SANBR: variants seen among roughly 807,000 people sequenced by gnomAD.
SANBR encodes the protein SANT and BTB domain regulator of CSR.
SANBR carries 77 observed loss-of-function variants against 101.8 expected under a neutral mutation model. That is an observed-to-expected ratio of 0.76 (90% CI 0.63 to 0.91). The LOEUF (loss-of-function observed/expected upper bound fraction) is 0.91. Ranked by LOEUF, SANBR falls within the 40% of genes least tolerant of loss-of-function variation. SANBR has a pLI of 0.00. For missense variants in SANBR, 875 were observed against 853.0 expected (o/e 1.03, Z -0.32); for synonymous variants, 279 against 274.7 (o/e 1.02, Z -0.15).
In SANBR at chr2:61,134,206, C is replaced by T. The variant is rs72883033; in HGVS notation, c.2098C>T (p.Leu700Phe). The T allele has an allele frequency of 2.7e-3, 4,304 of 1,611,584 alleles. 101 individuals carry two copies. The African/African-American group carries it at 0.051, about 19-fold the overall frequency. Residue 700 changes from leucine to phenylalanine, a missense_variant, in exon 21 of 22, where the codon CTC (leucine) becomes TTC (phenylalanine). Transcript: ENST00000295031. Reference sequence around the variant, plus strand: ...CAGAAAAAGTGGTTTGAGCAGTGTGCTCTTGATGACAGTGTTGCTGTGTTA... The same window carrying T: ...CAGAAAAAGTGGTTTGAGCAGTGTGTTCTTGATGACAGTGTTGCTGTGTTA...
intron 6 of SANBR, among the ~76,000 whole-genome samples, chr2:61,079,597 C>G (rs1289980252): frequency 6.6e-6 from 1 of 151,976 alleles, no homozygotes; most frequent in African/African-American, 2.4e-5. Flanking sequence ...TCCAGACTAA[C>G]CAGCTATAAT....
At chr2:61,134,458 T>C (rs980683108) in intron 21 of SANBR, among the ~76,000 whole-genome samples, 1 of 152,226 alleles carries the variant, frequency 6.6e-6, no homozygotes, top group Admixed American at 6.5e-5. Flanking sequence ...AAATCTCCTC[T>C]TTCATGAAGC....
At chr2:61,117,155 T>C in intron 17 of SANBR, 1 of 563,228 alleles carries the variant, frequency 1.8e-6, no homozygotes, top group Non-Finnish European at 3.2e-6. Context: ...GTTTCTTAAC[T>C]TCTCTGAACC....
At chr2:61,097,630 T>C in intron 11 of SANBR, 70 bp from the exon 12 acceptor site, 1 of 1,177,468 alleles carries the variant, frequency 8.5e-7, no homozygotes, top group South Asian at 1.5e-5. Flanking sequence ...TAATATTTGG[T>C]CTTAAGTATT....
intron 8 of SANBR, 53 bp downstream of exon 8, chr2:61,083,367 T>C (rs1314335708): frequency 9.2e-7 from 1 of 1,081,752 alleles, no homozygotes; most frequent in African/African-American, 1.6e-5. Context: ...AAGAAATATA[T>C]TTCTATTTCA....
intron 1 of SANBR, among the ~76,000 whole-genome samples, chr2:61,067,528 G>A (rs1681240924): frequency 6.6e-6 from 1 of 152,134 alleles, no homozygotes; most frequent in South Asian, 2.1e-4. Flanking sequence ...ACGAGGTCAG[G>A]AGATCGAGAC....
intron 20 of SANBR, among the ~76,000 whole-genome samples, chr2:61,129,709 T>G (rs1684627061): frequency 6.6e-6 from 1 of 151,812 alleles, no homozygotes; most frequent in African/African-American, 2.4e-5. Context: ...CAGGAACAAA[T>G]GAAGAGAACC....
intron 13 of SANBR, 31 bp from the exon 14 acceptor site, chr2:61,106,532 C>G: frequency 7.1e-7 from 1 of 1,399,446 alleles, no homozygotes; most frequent in East Asian, 2.3e-5. Flanking sequence ...AAAGTAAACT[C>G]TTCTCCGTAA....
chr2:61,081,723 A>G (rs1682140371), intron 7 of SANBR, among the ~76,000 whole-genome samples: 1 of 152,190 alleles, frequency 6.6e-6, no homozygotes, highest in East Asian at 1.9e-4. Context: ...ATCTCAGCTC[A>G]CTGCAACCTC....
intron 11 of SANBR, among the ~76,000 whole-genome samples, chr2:61,096,565 C>T (rs1294816050): frequency 1.3e-5 from 2 of 152,140 alleles, no homozygotes; most frequent in Admixed American, 1.3e-4. Flanking sequence ...ACAGTGCTTG[C>T]ACCATGTTCT....
rs1034229330 is a variant in SANBR at position 61,124,003 on chromosome 2, A to G, written c.*1841A>G. On this transcript the variant is annotated 3_prime_UTR_variant, in exon 22 of 22. Transcript: ENST00000402291. ...CAGCTACTCGGGAGGCTGAGGCACA[A>G]GAATTGTTTGAACCCGGGTGGCAGA... 8.1e-6 allele frequency: 3 copies of G among 369,378 alleles called. No individual in the cohort carries two copies. The highest frequency in any genetic ancestry group is 1.1e-5 in the Non-Finnish European group (3 of 266,978). The allele number at this position is 369,378 out of a possible 1,614,324, so 22.9% of individuals were successfully genotyped here. A position where few individuals can be genotyped will look rare whatever the true frequency, so the allele number is the denominator to read the frequency against.
intron 3 of SANBR, among the ~76,000 whole-genome samples, chr2:61,071,352 C>T (rs1375443568): frequency 6.6e-6 from 1 of 151,960 alleles, no homozygotes; most frequent in Non-Finnish European, 1.5e-5. Flanking sequence ...AGTTCAAGAC[C>T]AGCCTGACCA....
chr2:61,107,033 G>A (rs188678597), intron 14 of SANBR, among the ~76,000 whole-genome samples: 31 of 152,078 alleles, frequency 2.0e-4, no homozygotes, highest in Admixed American at 5.2e-4. Context: ...CAAGTGTGGT[G>A]CCTTGTGCCT....
chr2:61,071,681 G>T lies in SANBR; in HGVS notation c.226G>T (p.Ala76Ser), dbSNP rs916728456. 4.4e-6 allele frequency: 7 copies of T among 1,605,336 alleles called. No individual in the cohort carries two copies. In the South Asian group the frequency reaches 6.7e-5, roughly 15 times the overall value. The change falls in exon 4 of 22, where the codon GCT (alanine) becomes TCT (serine). Residue 76 changes from alanine (A) to serine (S), a missense_variant. Physicochemically the swap from Ala to Ser is moderately conservative, Grantham distance 99 (BLOSUM62 1). Transcript: ENST00000402291. ...VDNQYNSLMA[A>S]GESPVETLAT... Reference sequence around the variant, plus strand: ...CAACCAGTATAATTCCCTAATGGCTGCTGGAGAGAGTCCTGTTGAAACTTT... The same window carrying T: ...CAACCAGTATAATTCCCTAATGGCTTCTGGAGAGAGTCCTGTTGAAACTTT...
At chr2:61,108,680 T>TC (rs397873603) in intron 15 of SANBR, among the ~76,000 whole-genome samples, 7 of 151,826 alleles carry the variant, frequency 4.6e-5, no homozygotes, top group Non-Finnish European at 8.8e-5. Flanking sequence ...TTTTTTTTTT[T>TC]ACCTGTTTGC....
At chr2:61,134,935 C>T (rs1684800482) in intron 21 of SANBR, among the ~76,000 whole-genome samples, 1 of 151,796 alleles carries the variant, frequency 6.6e-6, no homozygotes, top group Middle Eastern at 3.2e-3. Flanking sequence ...ACCTGTAATC[C>T]CAGCACTTTG....
rs1288623267 is a variant in SANBR, at chr2:61,077,026, TTATC to T, written c.542_545del (p.Ser181TrpfsTer23). The T allele has an allele frequency of 2.5e-6, 4 of 1,614,102 alleles. No homozygotes were observed. The highest frequency in any genetic ancestry group is 2.5e-6 in the Non-Finnish European group (3 of 1,179,948). On this transcript the variant is annotated frameshift_variant, in exon 6 of 22. Coordinates refer to ENST00000402291, the MANE Select transcript of SANBR (RefSeq NM_001129993.3). LOFTEE classifies it high-confidence loss of function. Reference sequence around the variant, plus strand: ...AGAAATGAAGTACTTTGCTGAATATTTATCTATGGATGCCCAGCGCTGGGAAGAG... The same window carrying T: ...AGAAATGAAGTACTTTGCTGAATATTTATGGATGCCCAGCGCTGGGAAGAG...
Position 61,077,022 on chromosome 2 carries a change from A to G in SANBR, c.534A>G (p.Glu178=). 2.5e-6 allele frequency: 4 copies of G among 1,614,112 alleles called. No individual in the cohort carries two copies. Among genetic ancestry groups the G allele is most frequent in the Non-Finnish European group, 3.4e-6 (4 of 1,179,952 alleles). ...LLISEMKYFA[E]YLSMDAQRWE... is the part of the protein sequence containing the mutation. ...TATCAGAAATGAAGTACTTTGCTGA[A>G]TATTTATCTATGGATGCCCAGCGCT... The change falls in exon 6 of 22, where the codon GAA becomes GAG. Residue 178 remains glutamate, a synonymous_variant. Transcript: ENST00000402291.
At chr2:61,089,154 G>A in intron 10 of SANBR, 1 of 984,896 alleles carries the variant, frequency 1.0e-6, no homozygotes, top group Non-Finnish European at 1.2e-6. Flanking sequence ...TTTTGGTGAG[G>A]AAAATTGTCT....
Sources: allele counts gnomAD v4.1 joint callset (sites outside exome capture counted in the v4.1 genomes callset), GRCh38; gene constraint gnomAD v4.1.1; transcripts MANE v1.5; gene names NCBI Gene and HGNC (gene_info 2026-07-23, HGNC 2026-07-21).